Variants in VEGFC observed in about 807,000 individuals in gnomAD.
VEGFC encodes the protein vascular endothelial growth factor C.
VEGFC carries 12 observed loss-of-function variants against 46.1 expected under a neutral mutation model. The observed-to-expected ratio is 0.26, with a 90% CI of 0.17 to 0.42. VEGFC has a LOEUF of 0.42. VEGFC is among the 10% of genes least tolerant of loss of function. The pLI, the probability that VEGFC is intolerant of heterozygous loss-of-function variation, is 1.00. For synonymous variants in VEGFC, 232 were observed against 195.5 expected (o/e 1.19, Z -1.56); for missense variants, 488 against 529.4 (o/e 0.92, Z 0.77).
chr4:176,763,618 C>T (rs974584952), intron 1 of VEGFC, among the ~76,000 whole-genome samples: 2 of 152,012 alleles, frequency 1.3e-5, no homozygotes, highest in South Asian at 2.1e-4. Context: ...TATTCTTTCA[C>T]GTAATCAATA....
intron 3 of VEGFC, among the ~76,000 whole-genome samples, chr4:176,723,321 G>GTA (rs1019773234): frequency 2.6e-5 from 4 of 151,866 alleles, no homozygotes; most frequent in African/African-American, 7.3e-5. Context: ...ATATACATAT[G>GTA]TATATATATA....
intron 1 of VEGFC, among the ~76,000 whole-genome samples, chr4:176,776,506 G>C (rs1041825115): frequency 2.2e-4 from 33 of 152,204 alleles, no homozygotes; most frequent in Non-Finnish European, 4.4e-4. Context: ...CCAATGAAGA[G>C]AGGCACAATA....
chr4:176,749,805 A>T (rs1735312487), intron 1 of VEGFC, among the ~76,000 whole-genome samples: 1 of 151,914 alleles, frequency 6.6e-6, no homozygotes, highest in African/African-American at 2.4e-5. Flanking sequence ...AGTCTCTTAC[A>T]TGATTTTTTT....
At chr4:176,696,580 A>G (rs987910336) in intron 4 of VEGFC, among the ~76,000 whole-genome samples, 15 of 151,014 alleles carry the variant, frequency 9.9e-5, no homozygotes, top group Admixed American at 5.3e-4. Flanking sequence ...TACAGATTCA[A>G]TGCCATCCCC....
intron 1 of VEGFC, among the ~76,000 whole-genome samples, chr4:176,744,658 T>G (rs1490109153): frequency 6.6e-6 from 1 of 152,076 alleles, no homozygotes; most frequent in African/African-American, 2.4e-5. Context: ...ATAGTAACAA[T>G]TATTAGTATG....
At chr4:176,735,017 A>G (rs1417206175) in intron 1 of VEGFC, among the ~76,000 whole-genome samples, 1 of 151,702 alleles carries the variant, frequency 6.6e-6, no homozygotes, top group African/African-American at 2.4e-5. Context: ...TGCTATCTAT[A>G]GATGATGAAG....
chr4:176,755,258 C>G (rs1351723528), intron 1 of VEGFC, among the ~76,000 whole-genome samples: 1 of 152,028 alleles, frequency 6.6e-6, no homozygotes, highest in Non-Finnish European at 1.5e-5. Flanking sequence ...CACTTTATTC[C>G]CTGAGTTTTT....
At chr4:176,755,421 T>C (rs1285559723) in intron 1 of VEGFC, among the ~76,000 whole-genome samples, 6 of 151,792 alleles carry the variant, frequency 4.0e-5, no homozygotes, top group Non-Finnish European at 8.8e-5. Context: ...CTGAGTTGTG[T>C]GTTCTACACT....
In VEGFC at chr4:176,792,084, T is replaced by G; in HGVS notation, c.147+81A>C. On this transcript the variant is annotated intron_variant, in intron 1 of 6. Transcript: ENST00000618562. This position sits in a 1 kb window ranked among gnomAD's most constrained non-coding sequence, Gnocchi z 6.3. Reference sequence around the variant, plus strand: ...TACACAAGCTTAAAGCACACACACTTTCCCCCGCGCAGGTTCTCGGGTCCG... The same window carrying G: ...TACACAAGCTTAAAGCACACACACTGTCCCCCGCGCAGGTTCTCGGGTCCG... The G allele has an allele frequency of 7.2e-7, 1 of 1,397,292 alleles. No individual in the cohort carries two copies. The highest frequency in any genetic ancestry group is 2.8e-5 in the East Asian group (1 of 35,716). The allele number at this position is 1,397,292 out of a possible 1,614,324, so 86.6% of individuals were successfully genotyped here. A position where few individuals can be genotyped will look rare whatever the true frequency, so the allele number is the denominator to read the frequency against.
At chr4:176,764,444 G>A (rs1735582904) in intron 1 of VEGFC, among the ~76,000 whole-genome samples, 1 of 152,182 alleles carries the variant, frequency 6.6e-6, no homozygotes, top group South Asian at 2.1e-4. Context: ...TGATACTTAA[G>A]GTTTTCCTTT....
chr4:176,698,146 A>AAT (rs1560937622), intron 4 of VEGFC, among the ~76,000 whole-genome samples: 4 of 150,236 alleles, frequency 2.7e-5, no homozygotes, highest in African/African-American at 7.3e-5. Flanking sequence ...ATAAAAATAA[A>AAT]AATAATAATA....
At position 176,711,543 on chromosome 4, in the gene VEGFC, T is replaced by G. The variant is rs1159797894; in HGVS notation, c.660A>C (p.Gln220His). Reference protein sequence around the residue: ...RCMSKLDVYRQVHSIIRRSLP... With the variant: ...RCMSKLDVYRHVHSIIRRSLP... ...GGGAACGTCTAATAATGGAATGAAC[T>G]TGTCTGTAAACATCCAGTTTAGACA... The change falls in exon 4 of 7, where the codon CAA (glutamine) becomes CAC (histidine). Residue 220 changes from glutamine (Q) to histidine (H), a missense_variant. Coordinates refer to ENST00000618562, the MANE Select transcript of VEGFC (RefSeq NM_005429.5). 1 of 1,613,436 alleles carries G rather than the reference T, an allele frequency of 6.2e-7. No individual in the cohort carries two copies. Among genetic ancestry groups the G allele is most frequent in the South Asian group, 1.1e-5 (1 of 90,988 alleles).
chr4:176,736,360 A>G (rs1735052959), intron 1 of VEGFC, among the ~76,000 whole-genome samples: 1 of 151,798 alleles, frequency 6.6e-6, no homozygotes, highest in Non-Finnish European at 1.5e-5. Flanking sequence ...ATAGGCCGAT[A>G]TATAATAGTT....
chr4:176,728,476 T>C (rs1380238605), intron 2 of VEGFC, among the ~76,000 whole-genome samples: 1 of 152,170 alleles, frequency 6.6e-6, no homozygotes, highest in Admixed American at 6.5e-5. Flanking sequence ...TTTGGCAACC[T>C]TGAGTAATGT....
At chr4:176,782,286 G>C (rs1453385932) in intron 1 of VEGFC, among the ~76,000 whole-genome samples, 1 of 152,088 alleles carries the variant, frequency 6.6e-6, no homozygotes. Flanking sequence ...AACTTAGTGA[G>C]ACCTCATTTC....
At chr4:176,758,103 T>C (rs537969504) in intron 1 of VEGFC, among the ~76,000 whole-genome samples, 1 of 152,246 alleles carries the variant, frequency 6.6e-6, no homozygotes, top group East Asian at 1.9e-4. Context: ...GTGAAAATTC[T>C]TTGTATTTTT....
chr4:176,777,965 T>C (rs1214881497), intron 1 of VEGFC, among the ~76,000 whole-genome samples: 1 of 149,090 alleles, frequency 6.7e-6, no homozygotes, highest in African/African-American at 2.5e-5. Context: ...TCTTGTTATA[T>C]GTAGAGGATC....
At chr4:176,787,031 C>T (rs527564190) in intron 1 of VEGFC, among the ~76,000 whole-genome samples, 35 of 152,192 alleles carry the variant, frequency 2.3e-4, no homozygotes, top group African/African-American at 7.9e-4. Context: ...ACAAGCAGGA[C>T]TGATGGCAGC....
At chr4:176,710,301 A>G (rs1020438750) in intron 4 of VEGFC, among the ~76,000 whole-genome samples, 1 of 152,198 alleles carries the variant, frequency 6.6e-6, no homozygotes, top group African/African-American at 2.4e-5. Flanking sequence ...AGAACTCTCT[A>G]GCCTGCGGGG....
Sources: gnomAD v4.1 joint callset for allele counts (sites outside exome capture counted in the v4.1 genomes callset) on GRCh38, gnomAD v4.1.1 for gene constraint, Gnocchi (gnomAD v3.1) non-coding constraint, MANE v1.5 for transcripts, NCBI Gene and HGNC (gene_info 2026-07-23, HGNC 2026-07-21) for gene names.